PALS2: variants seen among roughly 807,000 people sequenced by gnomAD.
PALS2 encodes protein PALS2.
Under a neutral mutation model 61.6 loss-of-function variants are expected in PALS2, and 27 were observed. That is an observed-to-expected ratio of 0.44 (90% CI 0.32 to 0.60). The LOEUF (loss-of-function observed/expected upper bound fraction) is 0.60. Among genes scored for constraint, PALS2 ranks in the 20% least tolerant of loss-of-function variants. The pLI is 0.05. For synonymous variants in PALS2, 236 were observed against 218.6 expected (o/e 1.08, Z -0.70); for missense variants, 554 against 639.4 (o/e 0.87, Z 1.44).
intron 1 of PALS2, among the ~76,000 whole-genome samples, chr7:24,574,962 T>C (rs909282850): frequency 2.0e-5 from 3 of 152,314 alleles, no homozygotes; most frequent in East Asian, 3.9e-4. Context: ...ATTATAGTTA[T>C]GTCTTCTGAG....
chr7:24,673,662 T>C (rs1787416418), intron 9 of PALS2, among the ~76,000 whole-genome samples: 1 of 152,124 alleles, frequency 6.6e-6, no homozygotes. Context: ...TTTCTGATTT[T>C]AGAAATTTCG....
chr7:24,687,757 C>T lies in PALS2; in HGVS notation c.*143C>T, dbSNP rs1788282924. On this transcript the variant is annotated 3_prime_UTR_variant, in exon 12 of 12. Transcript: ENST00000222644. The surrounding 1 kb of genome is among the most constrained non-coding windows in gnomAD (Gnocchi z 4.5). ...TATGGTGTAGATTGAAATAATAGTA[C>T]ACTTCTGAATTTTTATATAAAATGT... 1 of 703,648 alleles carries T rather than the reference C, an allele frequency of 1.4e-6. No individual in the cohort carries two copies. Among genetic ancestry groups the T allele is most frequent in the Non-Finnish European group, 2.1e-6 (1 of 469,728 alleles). The allele number at this position is 703,648 out of a possible 1,614,324, so 43.6% of individuals were successfully genotyped here. A position where few individuals can be genotyped will look rare whatever the true frequency, so the allele number is the denominator to read the frequency against.
At chr7:24,670,027 A>C (rs1409485213) in intron 9 of PALS2, among the ~76,000 whole-genome samples, 2 of 152,058 alleles carry the variant, frequency 1.3e-5, no homozygotes, top group Non-Finnish European at 2.9e-5. Flanking sequence ...AAAAACAGTC[A>C]CTTTTCATTG....
At chr7:24,643,213 G>A (rs760121973) in intron 3 of PALS2, among the ~76,000 whole-genome samples, 6 of 152,086 alleles carry the variant, frequency 3.9e-5, no homozygotes, top group Non-Finnish European at 5.9e-5. Flanking sequence ...CCTTAGGTTT[G>A]TGATACATTG....
chr7:24,629,037 A>G (rs1481805106), intron 2 of PALS2, among the ~76,000 whole-genome samples: 4 of 152,216 alleles, frequency 2.6e-5, no homozygotes, highest in Non-Finnish European at 4.4e-5. Context: ...AGCCTAGACA[A>G]TCCTAAGCAA....
chr7:24,679,431 C>T, intron 10 of PALS2, 98 bp downstream of exon 10: 1 of 1,261,940 alleles, frequency 7.9e-7, no homozygotes, highest in East Asian at 2.4e-5. Flanking sequence ...TTTGTTTTGT[C>T]AGGGTGGAAA....
intron 2 of PALS2, among the ~76,000 whole-genome samples, chr7:24,639,921 A>G (rs1354976991): frequency 3.3e-5 from 5 of 149,354 alleles, no homozygotes; most frequent in Non-Finnish European, 5.9e-5. Flanking sequence ...GGTTCAAGCA[A>G]TTCTCCTGCC....
chr7:24,575,806 G>A (rs1782621956), intron 1 of PALS2, among the ~76,000 whole-genome samples: 1 of 152,080 alleles, frequency 6.6e-6, no homozygotes, highest in Admixed American at 6.6e-5. Context: ...AATTAAAAGA[G>A]GTAAGAGGAC....
chr7:24,578,664 C>G (rs1439694479), intron 1 of PALS2, among the ~76,000 whole-genome samples: 1 of 152,170 alleles, frequency 6.6e-6, no homozygotes, highest in Non-Finnish European at 1.5e-5. Context: ...TGATACCAGC[C>G]TGGGAAACTG....
chr7:24,668,411 C>T, intron 8 of PALS2, 88 bp from the exon 9 acceptor site: 1 of 1,252,622 alleles, frequency 8.0e-7, no homozygotes, highest in Non-Finnish European at 1.1e-6. Context: ...ACTATCAAGA[C>T]AGCTAAGCCA....
At chr7:24,588,542 C>T (rs986903962) in intron 1 of PALS2, among the ~76,000 whole-genome samples, 1 of 151,926 alleles carries the variant, frequency 6.6e-6, no homozygotes, top group Non-Finnish European at 1.5e-5. Context: ...GTTCTTGAGT[C>T]CAGATTTTTT....
intron 6 of PALS2, among the ~76,000 whole-genome samples, chr7:24,664,881 T>C (rs1786934889): frequency 6.6e-6 from 1 of 152,120 alleles, no homozygotes; most frequent in Admixed American, 6.6e-5. Flanking sequence ...ATTCTCTCAG[T>C]TTCTCCCTGC....
chr7:24,591,565 C>T (rs566413900), intron 1 of PALS2, among the ~76,000 whole-genome samples: 293 of 152,226 alleles, frequency 1.9e-3, no homozygotes, highest in Non-Finnish European at 3.6e-3. Flanking sequence ...AGTGAACCCA[C>T]TAATTTTGTG....
chr7:24,637,387 TG>T (rs1785290742), intron 2 of PALS2, among the ~76,000 whole-genome samples: 1 of 151,704 alleles, frequency 6.6e-6, no homozygotes, highest in East Asian at 1.9e-4. Context: ...CCATTCTCTC[TG>T]TCTCATTTCT....
chr7:24,608,383 T>G (rs1583867621), intron 1 of PALS2, among the ~76,000 whole-genome samples: 2 of 152,308 alleles, frequency 1.3e-5, no homozygotes, highest in East Asian at 3.9e-4. Context: ...TCATTTAAAC[T>G]CAAATACATT....
intron 2 of PALS2, among the ~76,000 whole-genome samples, chr7:24,637,113 G>A (rs1402184715): frequency 6.6e-6 from 1 of 151,990 alleles, no homozygotes; most frequent in Admixed American, 6.6e-5. Flanking sequence ...TGACATCTGT[G>A]TGGTTCTCCT....
intron 5 of PALS2, among the ~76,000 whole-genome samples, chr7:24,662,852 T>G (rs1054544769): frequency 4.0e-5 from 6 of 149,354 alleles, no homozygotes; most frequent in African/African-American, 9.7e-5. Flanking sequence ...CAAAAATGCA[T>G]AATTTAATTA....
intron 11 of PALS2, among the ~76,000 whole-genome samples, chr7:24,683,896 T>C (rs973851469): frequency 2.6e-5 from 4 of 152,222 alleles, no homozygotes; most frequent in Admixed American, 2.6e-4. Flanking sequence ...TCTCTTATGC[T>C]GAATATCCCT....
chr7:24,612,339 G>A (rs1360024503), intron 1 of PALS2, among the ~76,000 whole-genome samples: 1 of 151,864 alleles, frequency 6.6e-6, no homozygotes, highest in Non-Finnish European at 1.5e-5. Flanking sequence ...TGAATATACA[G>A]TGTTTTTACA....
Sources: gnomAD v4.1 joint callset for allele counts (sites outside exome capture counted in the v4.1 genomes callset) on GRCh38, gnomAD v4.1.1 for gene constraint, Gnocchi (gnomAD v3.1) non-coding constraint, MANE v1.5 for transcripts, NCBI Gene and HGNC (gene_info 2026-07-23, HGNC 2026-07-21) for gene names.